PHF21B: variants seen among roughly 807,000 people sequenced by gnomAD.
PHF21B encodes the protein PHD finger protein 21B, also known as PHD finger protein 4.
A neutral mutation model predicts 62.2 loss-of-function variants in PHF21B; 22 were observed. That is an observed-to-expected ratio of 0.35 (90% confidence interval 0.25 to 0.51). The LOEUF is 0.51. Ranked by LOEUF, PHF21B falls within the 20% of genes least tolerant of loss-of-function variation. PHF21B has a pLI of 0.97. For synonymous variants in PHF21B, 341 were observed against 314.7 expected (o/e 1.08, Z -0.88); for missense variants, 701 against 707.9 (o/e 0.99, Z 0.11).
At position 44,935,539 on chromosome 22, in the gene PHF21B, G is replaced by A. The variant is rs188320575; in HGVS notation, c.121-15049C>T. On this transcript the variant is annotated intron_variant, in intron 2 of 12. Coordinates refer to ENST00000313237, the MANE Select transcript of PHF21B (RefSeq NM_138415.5). ...TGAGGCAGGAGAATGGCGTGAACCC[G>A]GGAGGTGGAGCTTGCAGTGAGCCGA... Among the ~76,000 whole-genome samples, 374 of 152,156 alleles carry A rather than the reference G, an allele frequency of 2.5e-3. 2 individuals are homozygous for A. Among genetic ancestry groups the A allele is most frequent in the African/African-American group, 8.6e-3 (357 of 41,510 alleles).
rs1316565563 is a variant in PHF21B at position 44,940,280 on chromosome 22, A to T, written c.121-19790T>A. On this transcript the variant is annotated intron_variant, in intron 2 of 12. Coordinates refer to ENST00000313237, the MANE Select transcript of PHF21B (RefSeq NM_138415.5). Reference sequence around the variant, plus strand: ...AATTATTCCCACATTCCTAACAGGAAATCTGGCCCTTAAATTCACCAGCAA... The same window carrying T: ...AATTATTCCCACATTCCTAACAGGATATCTGGCCCTTAAATTCACCAGCAA... 3.3e-5 allele frequency among the ~76,000 whole-genome samples: 5 copies of T among 152,194 alleles called. No homozygotes were observed. The East Asian group carries it at 7.7e-4, about 23-fold the overall frequency.
At chr22:44,962,757 G>A (rs1048605584) in intron 2 of PHF21B, among the ~76,000 whole-genome samples, 1 of 152,128 alleles carries the variant, frequency 6.6e-6, no homozygotes, top group African/African-American at 2.4e-5. Flanking sequence ...TGGATGAAGA[G>A]CTGCCTGCAG....
intron 2 of PHF21B, among the ~76,000 whole-genome samples, chr22:44,947,758 C>T (rs1006838956): frequency 6.6e-6 from 1 of 152,172 alleles, no homozygotes; most frequent in Non-Finnish European, 1.5e-5. Context: ...GGCTGATGAC[C>T]AGGGTGTGGC....
At chr22:44,885,744 G>A in intron 11 of PHF21B, 119 bp downstream of exon 11, 1 of 1,172,356 alleles carries the variant, frequency 8.5e-7, no homozygotes, top group Non-Finnish European at 1.2e-6. Context: ...ACTTTTCAGT[G>A]CTCTGGCCCT....
At chr22:44,952,824 G>A (rs2072220446) in intron 2 of PHF21B, among the ~76,000 whole-genome samples, 1 of 152,184 alleles carries the variant, frequency 6.6e-6, no homozygotes, top group African/African-American at 2.4e-5. Flanking sequence ...TGACGTGAAT[G>A]GGGTGCTAGG....
intron 2 of PHF21B, among the ~76,000 whole-genome samples, chr22:44,997,593 T>C (rs1569282854): frequency 6.6e-6 from 1 of 152,232 alleles, no homozygotes; most frequent in Non-Finnish European, 1.5e-5. Context: ...ACCTGTCACT[T>C]TGCAAGCTGC....
At chr22:44,989,683 C>A in intron 2 of PHF21B, among the ~76,000 whole-genome samples, 1 of 147,754 alleles carries the variant, frequency 6.8e-6, no homozygotes, top group Non-Finnish European at 1.5e-5. Context: ...GATGTCAGCT[C>A]ACGGCAACCT....
intron 2 of PHF21B, among the ~76,000 whole-genome samples, chr22:44,935,026 A>G (rs1240220040): frequency 6.6e-6 from 1 of 152,156 alleles, no homozygotes; most frequent in Non-Finnish European, 1.5e-5. Flanking sequence ...AGGGCCTTTG[A>G]TATCTCTGTG....
At chr22:44,969,402 G>A (rs568264759) in intron 2 of PHF21B, among the ~76,000 whole-genome samples, 6 of 152,182 alleles carry the variant, frequency 3.9e-5, no homozygotes, top group East Asian at 1.9e-4. Flanking sequence ...ACGGTGGCTC[G>A]CACCTATAAT....
intron 5 of PHF21B, among the ~76,000 whole-genome samples, chr22:44,899,569 C>T (rs113987579): frequency 3.3e-5 from 5 of 152,066 alleles, no homozygotes; most frequent in South Asian, 2.1e-4. Context: ...GGATTACAGG[C>T]GTGACCTACC....
chr22:44,941,661 C>T (rs2071959954), intron 2 of PHF21B, among the ~76,000 whole-genome samples: 1 of 152,174 alleles, frequency 6.6e-6, no homozygotes, highest in Admixed American at 6.5e-5. Flanking sequence ...ACGGAGTCCA[C>T]CGTCACTTTA....
chr22:44,970,657 C>G (rs1174843471), intron 2 of PHF21B, among the ~76,000 whole-genome samples: 1 of 152,198 alleles, frequency 6.6e-6, no homozygotes, highest in Non-Finnish European at 1.5e-5. Context: ...GTGGTCAAAG[C>G]TCGCCGAACT....
At chr22:44,977,670 C>T (rs774149441) in intron 2 of PHF21B, among the ~76,000 whole-genome samples, 33 of 151,832 alleles carry the variant, frequency 2.2e-4, no homozygotes, top group Non-Finnish European at 2.9e-4. Context: ...CCTCAACCTC[C>T]TGGGCTCAGG....
intron 2 of PHF21B, among the ~76,000 whole-genome samples, chr22:44,929,143 A>T (rs2071691719): frequency 6.6e-6 from 1 of 152,244 alleles, no homozygotes; most frequent in African/African-American, 2.4e-5. Flanking sequence ...TGGCAAAGAT[A>T]ACAAGTCAGT....
chr22:44,929,764 C>G (rs1204514558), intron 2 of PHF21B, among the ~76,000 whole-genome samples: 6 of 152,242 alleles, frequency 3.9e-5, no homozygotes, highest in Non-Finnish European at 8.8e-5. Flanking sequence ...GGTGCCACTG[C>G]CTCTCAGTCC....
intron 2 of PHF21B, among the ~76,000 whole-genome samples, chr22:44,946,255 A>G (rs2072068376): frequency 6.8e-6 from 1 of 146,934 alleles, no homozygotes; most frequent in Non-Finnish European, 1.5e-5. Context: ...CAGAGACTAG[A>G]GAGGCTCCCT....
chr22:44,888,169 G>A, intron 9 of PHF21B, 48 bp from the exon 10 acceptor site: 1 of 1,445,374 alleles, frequency 6.9e-7, no homozygotes. Context: ...AGCCAGGGCA[G>A]CGGGGGCCGG....
At chr22:44,893,159 T>C (rs1448989562) in intron 7 of PHF21B, among the ~76,000 whole-genome samples, 2 of 152,004 alleles carry the variant, frequency 1.3e-5, no homozygotes, top group African/African-American at 4.8e-5. Flanking sequence ...GAGATTTGCC[T>C]GATCATTCAG....
chr22:44,936,904 C>G (rs1235981001), intron 2 of PHF21B, among the ~76,000 whole-genome samples: 2 of 135,670 alleles, frequency 1.5e-5, no homozygotes, highest in African/African-American at 2.8e-5. Flanking sequence ...TGGAGTTTCA[C>G]TCTTATTGCC....
Sources: allele counts gnomAD v4.1 joint callset (sites outside exome capture counted in the v4.1 genomes callset), GRCh38; gene constraint gnomAD v4.1.1; transcripts MANE v1.5; gene names NCBI Gene and HGNC (gene_info 2026-07-23, HGNC 2026-07-21).